The following ELOVL6 variants were observed in gnomAD, a reference collection of about 807,000 sequenced individuals.
ELOVL6 encodes the protein very long chain fatty acid elongase 6.
In ELOVL6, 8 loss-of-function variants were observed where a neutral mutation model predicts 31.7. The observed-to-expected ratio is 0.25, with a 90% CI of 0.15 to 0.45. ELOVL6 has a LOEUF of 0.45. ELOVL6 is among the 20% of genes least tolerant of loss of function. ELOVL6 has a pLI of 1.00. For missense variants in ELOVL6, 126 were observed against 326.4 expected (o/e 0.39, Z 4.73); for synonymous variants, 101 against 117.7 (o/e 0.86, Z 0.92).
At chr4:110,116,811 A>G (rs1757180926) in intron 1 of ELOVL6, among the ~76,000 whole-genome samples, 2 of 152,160 alleles carry the variant, frequency 1.3e-5, no homozygotes, top group South Asian at 4.1e-4. Flanking sequence ...CTATGCAGCA[A>G]TGGTCAAGTA....
chr4:110,125,980 G>A (rs1757479999), intron 1 of ELOVL6, among the ~76,000 whole-genome samples: 1 of 152,100 alleles, frequency 6.6e-6, no homozygotes, highest in Admixed American at 6.5e-5. Flanking sequence ...GAAAAAGATT[G>A]GGAGCAAGAA....
intron 1 of ELOVL6, among the ~76,000 whole-genome samples, chr4:110,169,988 A>G (rs1196743292): frequency 1.3e-5 from 2 of 150,970 alleles, no homozygotes; most frequent in Admixed American, 1.3e-4. Context: ...TATTTTTAGT[A>G]GAGATGGGGG....
chr4:110,171,582 T>C (rs1758946611), intron 1 of ELOVL6, among the ~76,000 whole-genome samples: 1 of 151,602 alleles, frequency 6.6e-6, no homozygotes, highest in African/African-American at 2.4e-5. Context: ...TGGAGGTTAC[T>C]GGAGGGTGGT....
chr4:110,121,312 T>A (rs1257226955), intron 1 of ELOVL6, among the ~76,000 whole-genome samples: 2 of 152,234 alleles, frequency 1.3e-5, no homozygotes, highest in Non-Finnish European at 2.9e-5. Flanking sequence ...CAGTAACTTT[T>A]CAGGTAAATT....
intron 2 of ELOVL6, among the ~76,000 whole-genome samples, chr4:110,082,122 AGG>A (rs1430528948): frequency 6.7e-6 from 1 of 149,194 alleles, no homozygotes; most frequent in Non-Finnish European, 1.5e-5. Flanking sequence ...GTGGAGAAAT[AGG>A]AACACTTTTA....
intron 2 of ELOVL6, among the ~76,000 whole-genome samples, chr4:110,070,852 G>A (rs1755456731): frequency 6.6e-6 from 1 of 152,090 alleles, no homozygotes. Flanking sequence ...TGTACAGCCT[G>A]CGGAACTGTT....
intron 1 of ELOVL6, among the ~76,000 whole-genome samples, chr4:110,141,221 A>G (rs1294568123): frequency 6.6e-6 from 1 of 151,856 alleles, no homozygotes; most frequent in African/African-American, 2.4e-5. Flanking sequence ...GAGCCACCAC[A>G]CCCAGCTAAT....
In ELOVL6 at chr4:110,084,113, T is replaced by TATATAACATATATGCTATATATG. The variant is rs1560814056; in HGVS notation, c.221+21383_221+21384insCATATATAGCATATATGTTATAT. 4.6e-3 allele frequency among the ~76,000 whole-genome samples: 353 copies of TATATAACATATATGCTATATATG among 76,840 alleles called. 6 individuals carry two copies. Among genetic ancestry groups the TATATAACATATATGCTATATATG allele is most frequent in the Non-Finnish European group, 6.3e-3 (275 of 43,652 alleles). 50.4% of individuals were successfully genotyped at this position (76,840 alleles called of 152,430 possible). A position where few individuals can be genotyped will look rare whatever the true frequency, so the allele number is the denominator to read the frequency against. ...TATAACATATATATGATATATATGA[T>TATATAACATATATGCTATATATG]ATATATAACATATATGTGATAATGA... On this transcript the variant is annotated intron_variant, in intron 2 of 3. Transcript: ENST00000302274.
intron 1 of ELOVL6, among the ~76,000 whole-genome samples, chr4:110,148,311 C>CA (rs1291366439): frequency 2.0e-5 from 3 of 151,888 alleles, no homozygotes. Flanking sequence ...TATTAAAGGA[C>CA]AAAAAATACA....
chr4:110,117,881 C>CAAAAAAAA (rs779775193), intron 1 of ELOVL6: 28 of 2,064 alleles, frequency 0.014, 5 homozygotes, highest in Non-Finnish European at 0.019. Flanking sequence ...GACTCTGTCT[C>CAAAAAAAA]AAAAAAAAAA....
chr4:110,088,376 G>A (rs991060455), intron 2 of ELOVL6, among the ~76,000 whole-genome samples: 4 of 152,160 alleles, frequency 2.6e-5, no homozygotes, highest in Non-Finnish European at 4.4e-5. Context: ...CAAGACCCCT[G>A]GAGGATGCCT....
At chr4:110,187,509 G>A (rs954140522) in intron 1 of ELOVL6, among the ~76,000 whole-genome samples, 14 of 151,264 alleles carry the variant, frequency 9.3e-5, no homozygotes, top group Non-Finnish European at 1.9e-4. Flanking sequence ...AGGAGTTTGA[G>A]ACCAGTGAAA....
At chr4:110,159,284 A>G (rs1413517775) in intron 1 of ELOVL6, among the ~76,000 whole-genome samples, 1 of 152,208 alleles carries the variant, frequency 6.6e-6, no homozygotes, top group Admixed American at 6.5e-5. Flanking sequence ...AAGACAGACA[A>G]AAATCTGTCA....
intron 1 of ELOVL6, among the ~76,000 whole-genome samples, chr4:110,132,578 G>C (rs1227945431): frequency 6.6e-6 from 1 of 152,068 alleles, no homozygotes; most frequent in Admixed American, 6.6e-5. Context: ...TGTAAACCCA[G>C]CACTTTGGGA....
intron 1 of ELOVL6, among the ~76,000 whole-genome samples, chr4:110,139,137 T>C (rs1479598816): frequency 1.3e-5 from 2 of 152,188 alleles, no homozygotes; most frequent in African/African-American, 4.8e-5. Flanking sequence ...TGTGGGTATA[T>C]GTATATTTTT....
At chr4:110,115,980 C>T (rs1757158241) in intron 1 of ELOVL6, among the ~76,000 whole-genome samples, 1 of 152,144 alleles carries the variant, frequency 6.6e-6, no homozygotes, top group Non-Finnish European at 1.5e-5. Flanking sequence ...AAGCTGTTTC[C>T]ATGGTCACGT....
chr4:110,103,939 C>T (rs1756819352), intron 2 of ELOVL6, among the ~76,000 whole-genome samples: 1 of 152,118 alleles, frequency 6.6e-6, no homozygotes, highest in African/African-American at 2.4e-5. Context: ...TAACCTTTAG[C>T]CATGGTATGA....
rs187680173 is a variant in ELOVL6, at chr4:110,191,710, C to T, written c.89+6537G>A. Among the ~76,000 whole-genome samples, 3 of 152,042 alleles carry T rather than the reference C, an allele frequency of 2.0e-5. No individual in the cohort carries two copies. The East Asian group carries it at 5.8e-4, about 29-fold the overall frequency. Reference sequence around the variant, plus strand: ...TCTAAAGACTGATTAGATGGGGGGCCGGGCACCTGTAATCCCACCTACTCA... The same window carrying T: ...TCTAAAGACTGATTAGATGGGGGGCTGGGCACCTGTAATCCCACCTACTCA... On this transcript the variant is annotated intron_variant, in intron 1 of 3. Transcript: ENST00000302274.
intron 3 of ELOVL6, among the ~76,000 whole-genome samples, chr4:110,058,999 A>C (rs1241896384): frequency 6.6e-6 from 1 of 152,208 alleles, no homozygotes; most frequent in Non-Finnish European, 1.5e-5. Context: ...TACATTCAAG[A>C]CCATTCAAGG....
Sources: allele counts gnomAD v4.1 joint callset (sites outside exome capture counted in the v4.1 genomes callset), GRCh38; gene constraint gnomAD v4.1.1; transcripts MANE v1.5; gene names NCBI Gene and HGNC (gene_info 2026-07-23, HGNC 2026-07-21).